Variants in CLK4 observed in about 807,000 individuals in gnomAD.
The protein encoded by CLK4 is dual specificity protein kinase CLK4.
Under a neutral mutation model 64.4 loss-of-function variants are expected in CLK4, and 37 were observed. That is an observed-to-expected ratio of 0.57 (90% CI 0.44 to 0.76). The LOEUF (loss-of-function observed/expected upper bound fraction) is 0.76, where lower values mean the gene tolerates loss of function less well. Ranked by LOEUF, CLK4 falls within the 30% of genes least tolerant of loss-of-function variation. The pLI is 0.00. For missense variants in CLK4, 457 were observed against 605.1 expected, an observed-to-expected ratio of 0.76 and a Z score of 2.57; for synonymous variants, 175 against 191.6, an observed-to-expected ratio of 0.91 and a Z score of 0.72.
chr5:178,622,601 T>C (rs1764724089), intron 2 of CLK4: 1 of 175,724 alleles, frequency 5.7e-6, no homozygotes, highest in Admixed American at 6.5e-5. Context: ...ACCTCCAAAT[T>C]GTACACTGGT....
intron 2 of CLK4, chr5:178,619,850 T>C (rs1423951509): frequency 8.1e-7 from 1 of 1,230,098 alleles, no homozygotes; most frequent in Admixed American, 2.3e-5. Context: ...GGGATGAGTG[T>C]CCTCTTCAAC....
At chr5:178,621,543 G>C (rs1764706361) in intron 2 of CLK4, among the ~76,000 whole-genome samples, 1 of 152,106 alleles carries the variant, frequency 6.6e-6, no homozygotes, top group South Asian at 2.1e-4. Context: ...AATAGGCTAA[G>C]AATAAAAAGA....
chr5:178,608,153 C>A (rs901885736), intron 10 of CLK4, among the ~76,000 whole-genome samples: 3 of 152,156 alleles, frequency 2.0e-5, no homozygotes, highest in Non-Finnish European at 4.4e-5. Context: ...CATATATGAA[C>A]CATGTGTTAC....
At position 178,606,983 on chromosome 5, in the gene CLK4, G is replaced by T. The variant is rs147711843; in HGVS notation, c.1134+1393C>A. ...TCAGGGAAAAAAAAAAAAAAATTAA[G>T]ATTTCAGATGTAAGTACAACTTAAG... On this transcript the variant is annotated intron_variant, in intron 10 of 12. Transcript: ENST00000316308. 9.0e-3 allele frequency among the ~76,000 whole-genome samples: 1,361 copies of T among 151,450 alleles called. 21 individuals carry two copies. Among genetic ancestry groups the T allele is most frequent in the African/African-American group, 0.031 (1,260 of 41,290 alleles).
chr5:178,610,078 C>G (rs915225436), intron 9 of CLK4, among the ~76,000 whole-genome samples: 3 of 151,844 alleles, frequency 2.0e-5, no homozygotes, highest in African/African-American at 7.3e-5. Context: ...ATCACAAGGT[C>G]AGGAGTTGGA....
At position 178,618,586 on chromosome 5, in the gene CLK4, A is replaced by AT. The variant is rs1463322083; in HGVS notation, c.353dup (p.Asn118LysfsTer2). ...GTGACTGATGACTTGAACAGTGTCT[A>AT]TTGCGCTTCCTTTTAGGACTGCTTC... On this transcript the variant is annotated frameshift_variant, in exon 3 of 13. Transcript: ENST00000316308. LOFTEE classifies it high-confidence loss of function. 1.2e-6 allele frequency: 2 copies of AT among 1,613,872 alleles called. No individual in the cohort carries two copies. The highest frequency in any genetic ancestry group is 1.7e-6 in the Non-Finnish European group (2 of 1,179,938).
At chr5:178,612,756 T>TA (rs1224633388) in intron 8 of CLK4, 40 bp downstream of exon 8, 2 of 1,233,404 alleles carry the variant, frequency 1.6e-6, no homozygotes, top group East Asian at 4.7e-5. Context: ...AAATTAATTT[T>TA]AAAGACAACC....
intron 10 of CLK4, among the ~76,000 whole-genome samples, chr5:178,607,351 T>C (rs1237975038): frequency 9.2e-5 from 14 of 152,096 alleles, no homozygotes; most frequent in Non-Finnish European, 2.1e-4. Context: ...AATATGTTCC[T>C]TTACTCCTCT....
At position 178,608,475 on chromosome 5, in the gene CLK4, AG is replaced by A. The variant is rs760237845; in HGVS notation, c.1052-18del. ...AACCTAAAGCTATTTTAAAACAAAT[AG>A]AAACATTTTACTATGCAAAAACTTT... is the stretch of plus-strand genomic sequence containing the variant. On this transcript the variant is annotated intron_variant, in intron 9 of 12. Coordinates refer to ENST00000316308, the MANE Select transcript of CLK4 (RefSeq NM_020666.3). 3 of 1,588,956 alleles carry A rather than the reference AG, an allele frequency of 1.9e-6. No homozygotes were observed. The South Asian group carries it at 3.4e-5, about 18-fold the overall frequency.
intron 1 of CLK4, among the ~76,000 whole-genome samples, chr5:178,624,768 A>G (rs973307731): frequency 9.2e-5 from 14 of 152,224 alleles, no homozygotes; most frequent in African/African-American, 3.4e-4. Context: ...CCAAATGACT[A>G]ATAAGCAAAC....
chr5:178,605,826 G>A (rs1272243432), intron 10 of CLK4: 1 of 152,404 alleles, frequency 6.6e-6, no homozygotes, highest in East Asian at 1.9e-4. Flanking sequence ...CAAACTTACA[G>A]CTGGAATGGT....
In CLK4 at chr5:178,617,602, TCACAGGG is replaced by T; in HGVS notation, c.385-175_385-169del. On this transcript the variant is annotated intron_variant, in intron 3 of 12. Transcript: ENST00000316308. This position sits in a 1 kb window ranked among gnomAD's most constrained non-coding sequence, Gnocchi z 5.2. ...AATTTCAAATTCAGTCCCCAGAAAT[TCACAGGG>T]CACAGTTTATGTTACAGAAGAAAAA... The T allele has an allele frequency of 1.4e-6, 1 of 709,012 alleles. No homozygotes were observed. The highest frequency in any genetic ancestry group is 3.6e-5 in the Admixed American group (1 of 27,430). 43.9% of individuals were successfully genotyped at this position (709,012 alleles called of 1,614,324 possible). A position where few individuals can be genotyped will look rare whatever the true frequency, so the allele number is the denominator to read the frequency against.
At chr5:178,614,794 A>T (rs901859572) in intron 5 of CLK4, among the ~76,000 whole-genome samples, 1 of 152,216 alleles carries the variant, frequency 6.6e-6, no homozygotes, top group African/African-American at 2.4e-5. Flanking sequence ...ATGTGAACTG[A>T]TAAGTCACTA....
chr5:178,626,609 A>C (rs1385850367), intron 1 of CLK4, among the ~76,000 whole-genome samples: 1 of 152,250 alleles, frequency 6.6e-6, no homozygotes, highest in Non-Finnish European at 1.5e-5. Flanking sequence ...CGGCTCTCGA[A>C]GGGTCTCCCG....
Position 178,613,808 on chromosome 5 carries a change from T to G in CLK4, c.578A>C (p.Asn193Thr). ...GMHVAVKIVK[N>T]VGRYREAARS... Reference sequence around the variant, plus strand: ...AGCTGCTTCACGGTAACGGCCTACATTTTTTACGATTTTCACTGCTACATG... The same window carrying G: ...AGCTGCTTCACGGTAACGGCCTACAGTTTTTACGATTTTCACTGCTACATG... The change falls in exon 6 of 13, where the codon AAT (asparagine) becomes ACT (threonine). Residue 193 changes from asparagine to threonine, a missense_variant. Coordinates refer to ENST00000316308, the MANE Select transcript of CLK4 (RefSeq NM_020666.3). The G allele has an allele frequency of 6.8e-6, 11 of 1,613,958 alleles. No individual in the cohort carries two copies. Among genetic ancestry groups the G allele is most frequent in the Non-Finnish European group, 9.3e-6 (11 of 1,179,850 alleles).
At chr5:178,613,922 T>A in intron 5 of CLK4, 79 bp from the exon 6 acceptor site, 1 of 915,754 alleles carries the variant, frequency 1.1e-6, no homozygotes, top group Non-Finnish European at 1.7e-6. Flanking sequence ...AGCATAGTCT[T>A]AATTACCAAT....
chr5:178,608,242 A>C (rs1372298707), intron 10 of CLK4, 134 bp downstream of exon 10: 1 of 606,010 alleles, frequency 1.7e-6, no homozygotes, highest in Non-Finnish European at 2.9e-6. Context: ...TTAAAGAATG[A>C]CCATTTTGCC....
chr5:178,623,135 C>G, intron 2 of CLK4, 121 bp downstream of exon 2: 1 of 993,848 alleles, frequency 1.0e-6, no homozygotes, highest in Non-Finnish European at 1.5e-6. Context: ...CAAATATTTT[C>G]TAAACGAATA....
At chr5:178,623,745 C>CG (rs895330965) in intron 1 of CLK4, among the ~76,000 whole-genome samples, 30 of 151,424 alleles carry the variant, frequency 2.0e-4, no homozygotes, top group Admixed American at 1.1e-3. Flanking sequence ...AAAAAAAAGC[C>CG]GGGGGGGGCA....
Sources: gnomAD v4.1 joint callset for allele counts (sites outside exome capture counted in the v4.1 genomes callset) on GRCh38, gnomAD v4.1.1 for gene constraint, Gnocchi (gnomAD v3.1) non-coding constraint, MANE v1.5 for transcripts, NCBI Gene and HGNC (gene_info 2026-07-23, HGNC 2026-07-21) for gene names.